SYN3: variants seen among roughly 807,000 people sequenced by gnomAD.
SYN3 encodes the protein synapsin III.
SYN3 carries 35 observed loss-of-function variants against 65.8 expected under a neutral mutation model. The ratio of observed to expected loss-of-function variants is 0.53; its 90% CI spans 0.41 to 0.70. The LOEUF (loss-of-function observed/expected upper bound fraction) is 0.70, where lower values mean the gene tolerates loss of function less well. SYN3 is among the 30% of genes least tolerant of loss of function. The probability of loss-of-function intolerance (pLI) is 0.00; values close to 1 mark genes in which losing one functional copy is unlikely to be tolerated. For synonymous variants in SYN3, 270 were observed against 292.9 expected (o/e 0.92, Z 0.80); for missense variants, 680 against 749.0 (o/e 0.91, Z 1.08).
At chr22:32,838,851 C>T (rs1294363459) in intron 6 of SYN3, among the ~76,000 whole-genome samples, 2 of 151,908 alleles carry the variant, frequency 1.3e-5, no homozygotes, top group Non-Finnish European at 2.9e-5. Context: ...AATCTAGGCT[C>T]TATGCCATGT....
chr22:32,594,601 C>T (rs2059172525), intron 7 of SYN3, among the ~76,000 whole-genome samples: 1 of 152,114 alleles, frequency 6.6e-6, no homozygotes, highest in Non-Finnish European at 1.5e-5. Flanking sequence ...GATTCTCCTG[C>T]CGCAGCTTTC....
At chr22:32,976,998 G>GT (rs1491255097) in intron 3 of SYN3, among the ~76,000 whole-genome samples, 4 of 150,986 alleles carry the variant, frequency 2.6e-5, no homozygotes, top group African/African-American at 9.9e-5. Flanking sequence ...GATTCCTGGG[G>GT]GGGGGGTTGC....
intron 7 of SYN3, among the ~76,000 whole-genome samples, chr22:32,585,088 C>T (rs1159918372): frequency 6.6e-6 from 1 of 152,190 alleles, no homozygotes; most frequent in Non-Finnish European, 1.5e-5. Flanking sequence ...CTTGGCACCT[C>T]TATAAAACAG....
chr22:33,050,343 C>T (rs1431232655), intron 1 of SYN3, among the ~76,000 whole-genome samples: 3 of 152,000 alleles, frequency 2.0e-5, no homozygotes, highest in South Asian at 2.1e-4. Flanking sequence ...ATTAGCCGGG[C>T]GTGGTGGTGC....
At chr22:32,988,566 G>A (rs1188117528) in intron 2 of SYN3, among the ~76,000 whole-genome samples, 2 of 151,896 alleles carry the variant, frequency 1.3e-5, no homozygotes, top group South Asian at 4.2e-4. Flanking sequence ...TGGTCTCAGG[G>A]GGCTTACTAC....
intron 3 of SYN3, among the ~76,000 whole-genome samples, chr22:32,942,274 C>T (rs2050964588): frequency 6.6e-6 from 1 of 152,322 alleles, no homozygotes; most frequent in South Asian, 2.1e-4. Context: ...CAGGCAGCAA[C>T]CTTTGCTGTT....
chr22:32,628,361 T>A (rs534883125), intron 6 of SYN3, among the ~76,000 whole-genome samples: 3 of 152,228 alleles, frequency 2.0e-5, no homozygotes, highest in Admixed American at 6.5e-5. Flanking sequence ...TTGAAGACCA[T>A]TACTGGAAGT....
chr22:32,821,182 T>G (rs765160657), intron 6 of SYN3, among the ~76,000 whole-genome samples: 1 of 152,162 alleles, frequency 6.6e-6, no homozygotes, highest in Non-Finnish European at 1.5e-5. Flanking sequence ...CGTCTCTGCC[T>G]TTTACCACTG....
intron 3 of SYN3, among the ~76,000 whole-genome samples, chr22:32,970,502 T>C (rs1041103074): frequency 2.2e-5 from 3 of 133,518 alleles, no homozygotes; most frequent in African/African-American, 8.5e-5. Flanking sequence ...AAAAAAGATA[T>C]CACGCCACTG....
Position 32,570,185 on chromosome 22 carries a change from A to T in SYN3, c.774+26489T>A, listed in dbSNP as rs145550523. 5.8e-3 allele frequency among the ~76,000 whole-genome samples: 888 copies of T among 152,288 alleles called. 11 individuals carry two copies. The highest frequency in any genetic ancestry group is 0.02 in the African/African-American group (837 of 41,560). ...CACACTGCCTTCTAGGGAGGACTGG[A>T]AAGCCTGCTGACTGTCCTGCAGGAC... On this transcript the variant is annotated intron_variant, in intron 7 of 13. Coordinates refer to ENST00000358763, the MANE Select transcript of SYN3 (RefSeq NM_003490.4).
intron 6 of SYN3, among the ~76,000 whole-genome samples, chr22:32,664,001 G>A (rs1465608303): frequency 6.6e-6 from 1 of 152,144 alleles, no homozygotes; most frequent in African/African-American, 2.4e-5. Context: ...CTAAGATAGG[G>A]AAATGTCTTT....
At chr22:32,520,944 C>T (rs1025896770) in intron 12 of SYN3, among the ~76,000 whole-genome samples, 40 of 152,260 alleles carry the variant, frequency 2.6e-4, no homozygotes, top group African/African-American at 8.4e-4. Context: ...ACATCCCTCC[C>T]GATCTGAACA....
intron 7 of SYN3, among the ~76,000 whole-genome samples, chr22:32,542,614 G>A (rs1264013357): frequency 1.4e-5 from 2 of 146,108 alleles, no homozygotes; most frequent in Non-Finnish European, 3.0e-5. Context: ...AGTATGCAGT[G>A]CTTCTGTTTG....
intron 2 of SYN3, among the ~76,000 whole-genome samples, chr22:32,983,233 C>T (rs891856198): frequency 2.0e-5 from 3 of 152,156 alleles, no homozygotes; most frequent in African/African-American, 7.2e-5. Flanking sequence ...CAGATTGGTA[C>T]ATAAAAATGT....
chr22:32,526,303 T>G (rs2057975441), intron 12 of SYN3, among the ~76,000 whole-genome samples: 1 of 152,132 alleles, frequency 6.6e-6, no homozygotes, highest in Admixed American at 6.5e-5. Flanking sequence ...TCCCTTTTCT[T>G]AAAAATATCT....
At chr22:32,640,276 A>C (rs2059877333) in intron 6 of SYN3, among the ~76,000 whole-genome samples, 3 of 152,158 alleles carry the variant, frequency 2.0e-5, no homozygotes, top group Admixed American at 2.0e-4. Context: ...TCTCTGCTAG[A>C]TTGTAAGCTC....
intron 6 of SYN3, among the ~76,000 whole-genome samples, chr22:32,708,703 C>T (rs1178430823): frequency 2.6e-5 from 4 of 152,212 alleles, no homozygotes; most frequent in Non-Finnish European, 5.9e-5. Context: ...TCACTCTTGC[C>T]TCCCTCTCCT....
rs1412475976 is a variant in SYN3, at chr22:32,869,223, G to T, written c.462-98C>A. The T allele has an allele frequency of 7.2e-6, 10 of 1,387,532 alleles. No individual in the cohort carries two copies. The East Asian group carries it at 2.2e-4, about 30-fold the overall frequency. 86.0% of individuals were successfully genotyped at this position (1,387,532 alleles called of 1,614,324 possible). A position where few individuals can be genotyped will look rare whatever the true frequency, so the allele number is the denominator to read the frequency against. ...TGGGGATGATAGCACTGACTTGCAGGGCGGCAGCTTAGTTCAGAAGTGGGA... is the reference window on the plus strand; with the variant it reads ...TGGGGATGATAGCACTGACTTGCAGTGCGGCAGCTTAGTTCAGAAGTGGGA... On this transcript the variant is annotated intron_variant, in intron 4 of 13. Transcript: ENST00000358763.
At chr22:32,598,412 T>C (rs1204308150) in intron 6 of SYN3, among the ~76,000 whole-genome samples, 2 of 152,234 alleles carry the variant, frequency 1.3e-5, no homozygotes, top group Non-Finnish European at 2.9e-5. Context: ...GACTTGAACT[T>C]GGGTCTGTCA....
Sources: gnomAD v4.1 joint callset for allele counts (sites outside exome capture counted in the v4.1 genomes callset) on GRCh38, gnomAD v4.1.1 for gene constraint, MANE v1.5 for transcripts, NCBI Gene and HGNC (gene_info 2026-07-23, HGNC 2026-07-21) for gene names.